The following DLGAP2 variants were observed in gnomAD, a reference collection of about 807,000 sequenced individuals.
DLGAP2 encodes the protein DLG associated protein 2.
A neutral mutation model predicts 100.3 loss-of-function variants in DLGAP2; 26 were observed. The observed-to-expected ratio is 0.26, with a 90% CI of 0.19 to 0.36. The LOEUF (loss-of-function observed/expected upper bound fraction) is 0.36. Among genes scored for constraint, DLGAP2 ranks in the 10% least tolerant of loss-of-function variants. DLGAP2 has a pLI of 1.00. For synonymous variants in DLGAP2, 886 were observed against 630.1 expected, an observed-to-expected ratio of 1.41 and a Z score of -6.08; for missense variants, 1,858 against 1,453.2, an observed-to-expected ratio of 1.28 and a Z score of -4.53.
intron 3 of DLGAP2, among the ~76,000 whole-genome samples, chr8:1,295,719 T>C (rs1202117139): frequency 6.6e-6 from 1 of 152,194 alleles, no homozygotes; most frequent in East Asian, 1.9e-4. Context: ...CCCCAGTCTC[T>C]CTGTGGGCCC....
chr8:881,901 C>T (rs145523509), intron 1 of DLGAP2, among the ~76,000 whole-genome samples: 2 of 152,064 alleles, frequency 1.3e-5, no homozygotes, highest in Admixed American at 1.3e-4. Context: ...AATATAAATT[C>T]TCCCACCCAA....
intron 5 of DLGAP2, 103 bp downstream of exon 5, chr8:1,549,786 T>A: frequency 4.0e-6 from 5 of 1,245,802 alleles, no homozygotes; most frequent in Non-Finnish European, 5.4e-6. Context: ...CACATTTAGG[T>A]TGTGCAACAG....
chr8:1,692,381 G>A (rs1207620374), intron 13 of DLGAP2, among the ~76,000 whole-genome samples: 1 of 61,736 alleles, frequency 1.6e-5, no homozygotes, highest in Non-Finnish European at 3.1e-5. Context: ...AGGCGGATAC[G>A]GCCCTGGTTT....
At chr8:1,080,830 AGTT>A (rs1267499318) in intron 2 of DLGAP2, among the ~76,000 whole-genome samples, 1 of 152,216 alleles carries the variant, frequency 6.6e-6, no homozygotes. Flanking sequence ...CGCTCTGAGG[AGTT>A]GTCCAGGCTA....
intron 2 of DLGAP2, among the ~76,000 whole-genome samples, chr8:967,510 A>G (rs921216899): frequency 3.3e-5 from 5 of 151,864 alleles, no homozygotes; most frequent in Non-Finnish European, 7.4e-5. Context: ...CGTGTTCAAT[A>G]GTTGTATGGA....
chr8:1,309,692 A>G (rs1335052301), intron 3 of DLGAP2, among the ~76,000 whole-genome samples: 6 of 152,220 alleles, frequency 3.9e-5, no homozygotes, highest in Non-Finnish European at 7.3e-5. Flanking sequence ...AACCAACAAG[A>G]TTATGTATTT....
intron 2 of DLGAP2, among the ~76,000 whole-genome samples, chr8:1,083,366 G>C (rs2123056): frequency 0.29 from 44,801 of 152,042 alleles, 6,975 homozygotes; most frequent in Middle Eastern, 0.38. Flanking sequence ...CAGGGGAGAA[G>C]AGTAGCCATT....
chr8:986,742 C>T (rs1330417905), intron 2 of DLGAP2, among the ~76,000 whole-genome samples: 3 of 151,056 alleles, frequency 2.0e-5, no homozygotes, highest in Non-Finnish European at 4.4e-5. Flanking sequence ...TCACTGAAAC[C>T]TGCTTCTCCC....
At chr8:1,043,020 G>A (rs1156357343) in intron 2 of DLGAP2, among the ~76,000 whole-genome samples, 1 of 147,344 alleles carries the variant, frequency 6.8e-6, no homozygotes, top group Non-Finnish European at 1.5e-5. Context: ...GGTGGTGGGT[G>A]TGGGTGGTGG....
intron 2 of DLGAP2, among the ~76,000 whole-genome samples, chr8:1,070,085 G>A (rs955939554): frequency 2.0e-5 from 3 of 152,168 alleles, no homozygotes; most frequent in Non-Finnish European, 2.9e-5. Context: ...AAATCACTAC[G>A]CTACTTCCTG....
chr8:1,497,585 G>A (rs545772751), intron 3 of DLGAP2, among the ~76,000 whole-genome samples: 21 of 152,306 alleles, frequency 1.4e-4, no homozygotes, highest in Admixed American at 2.6e-4. Flanking sequence ...GCATAGATAA[G>A]GGCATTTCTG....
At chr8:1,579,144 A>G (rs1294408844) in intron 6 of DLGAP2, among the ~76,000 whole-genome samples, 1 of 152,210 alleles carries the variant, frequency 6.6e-6, no homozygotes, top group East Asian at 1.9e-4. Flanking sequence ...TGCTTAGTTC[A>G]ATTAGAAAGT....
intron 1 of DLGAP2, among the ~76,000 whole-genome samples, chr8:802,286 G>C (rs993465756): frequency 1.2e-4 from 18 of 150,456 alleles, no homozygotes; most frequent in South Asian, 8.4e-4. Flanking sequence ...GGAACGATCT[G>C]CACCCCTCCT....
intron 3 of DLGAP2, among the ~76,000 whole-genome samples, chr8:1,398,288 G>T (rs9969609): frequency 1.6e-4 from 1 of 6,374 alleles, no homozygotes. Flanking sequence ...CTCCCTCCTC[G>T]TCCTCCTGAG....
intron 6 of DLGAP2, among the ~76,000 whole-genome samples, chr8:1,588,824 G>C (rs1796206088): frequency 6.6e-6 from 1 of 151,794 alleles, no homozygotes. Context: ...CAGAAGGCTG[G>C]AGCAGGAGAA....
intron 2 of DLGAP2, among the ~76,000 whole-genome samples, chr8:1,060,893 C>T (rs1803061374): frequency 6.6e-6 from 1 of 152,192 alleles, no homozygotes; most frequent in Admixed American, 6.5e-5. Flanking sequence ...CCCTCACAGT[C>T]AAGGGATCTT....
intron 2 of DLGAP2, among the ~76,000 whole-genome samples, chr8:1,019,900 C>T (rs1457956126): frequency 2.0e-5 from 3 of 152,116 alleles, no homozygotes; most frequent in Non-Finnish European, 4.4e-5. Flanking sequence ...TCCGGGATGG[C>T]CTGTGTGTGT....
intron 2 of DLGAP2, among the ~76,000 whole-genome samples, chr8:1,165,389 G>T (rs1796996076): frequency 6.6e-6 from 1 of 152,240 alleles, no homozygotes; most frequent in Non-Finnish European, 1.5e-5. Flanking sequence ...GCACAGCCGG[G>T]CTCGGGTCTT....
At chr8:1,436,394 T>G (rs1223209149) in intron 3 of DLGAP2, among the ~76,000 whole-genome samples, 1 of 152,202 alleles carries the variant, frequency 6.6e-6, no homozygotes, top group Non-Finnish European at 1.5e-5. Context: ...TCCTTCCACC[T>G]TCCTCTGCCT....
Sources: gnomAD v4.1 joint callset for allele counts (sites outside exome capture counted in the v4.1 genomes callset) on GRCh38, gnomAD v4.1.1 for gene constraint, MANE v1.5 for transcripts, NCBI Gene and HGNC (gene_info 2026-07-23, HGNC 2026-07-21) for gene names.